The following PLEKHB1 variants were observed in gnomAD, a reference collection of about 807,000 sequenced individuals.
The protein encoded by PLEKHB1 is pleckstrin homology domain containing B1, also known as pleckstrin homology domain-containing family B member 1.
In PLEKHB1, 29 loss-of-function variants were observed where a neutral mutation model predicts 36.2. The observed-to-expected ratio is 0.80, with a 90% CI of 0.60 to 1.09. The LOEUF (loss-of-function observed/expected upper bound fraction) is 1.09. Ranked by LOEUF, PLEKHB1 falls within the 50% of genes least tolerant of loss-of-function variation. PLEKHB1 has a pLI of 0.00. For synonymous variants in PLEKHB1, 138 were observed against 140.0 expected (o/e 0.99, Z 0.10); for missense variants, 330 against 348.2 (o/e 0.95, Z 0.42).
chr11:73,662,291 T>A lies in PLEKHB1; in HGVS notation c.*689T>A, dbSNP rs902989921. On this transcript the variant is annotated 3_prime_UTR_variant, in exon 8 of 8. Transcript: ENST00000354190. ...CATCTATAATGAATATATTGCCTGT[T>A]TTGTGAATACTGACACATGTCCATA... is the stretch of plus-strand genomic sequence containing the variant. 6.6e-6 allele frequency: 1 copy of A among 152,216 alleles called. No homozygotes were observed. The highest frequency in any genetic ancestry group is 1.5e-5 in the Non-Finnish European group (1 of 68,070). The allele number at this position is 152,216 out of a possible 1,614,324, so 9.4% of individuals were successfully genotyped here. A position where few individuals can be genotyped will look rare whatever the true frequency, so the allele number is the denominator to read the frequency against.
At chr11:73,653,517 G>C (rs1565330380) in intron 5 of PLEKHB1, 10 of 452,308 alleles carry the variant, frequency 2.2e-5, no homozygotes, top group South Asian at 1.6e-4. Flanking sequence ...TGAGAAGCCA[G>C]ACATGGAACA....
chr11:73,660,773 C>A lies in PLEKHB1; in HGVS notation c.516C>A (p.Tyr172Ter). ...CCCAGGTGCGCGTCTACAGCCCGTA[C>A]CAAGACTACTACGAGGTGGTGCCCC... ...RRIWVRVYSP[Y>*]QDYYEVVPPN... The change falls in exon 7 of 8, where the codon TAC becomes TAA. Residue 172 changes from tyrosine to a stop codon, truncating the protein, a stop_gained. Coordinates refer to ENST00000354190, the MANE Select transcript of PLEKHB1 (RefSeq NM_021200.3). LOFTEE classifies it high-confidence loss of function. 2 of 1,599,188 alleles carry A rather than the reference C, an allele frequency of 1.3e-6. No individual in the cohort carries two copies. The highest frequency in any genetic ancestry group is 1.1e-5 in the South Asian group (1 of 87,786).
At chr11:73,654,605 C>T (rs1944958178) in intron 5 of PLEKHB1, among the ~76,000 whole-genome samples, 1 of 152,172 alleles carries the variant, frequency 6.6e-6, no homozygotes, top group Non-Finnish European at 1.5e-5. Context: ...AAAAGCCTAC[C>T]ATGGAACCTA....
chr11:73,648,793 C>T, intron 1 of PLEKHB1: 1 of 1,308,932 alleles, frequency 7.6e-7, no homozygotes, highest in Non-Finnish European at 9.8e-7. Flanking sequence ...TGGTCCCCAC[C>T]CCCACCCCAC....
At chr11:73,646,939 C>G (rs1297943931) in intron 1 of PLEKHB1, among the ~76,000 whole-genome samples, 3 of 152,300 alleles carry the variant, frequency 2.0e-5, no homozygotes, top group Non-Finnish European at 1.5e-5. Flanking sequence ...ACTCCCACCC[C>G]CAGCTCCAGT....
Position 73,661,750 on chromosome 11 carries a change from C to A in PLEKHB1, c.*148C>A. The A allele has an allele frequency of 2.1e-6, 2 of 974,610 alleles. No individual in the cohort carries two copies. The allele number at this position is 974,610 out of a possible 1,614,324, so 60.4% of individuals were successfully genotyped here. A position where few individuals can be genotyped will look rare whatever the true frequency, so the allele number is the denominator to read the frequency against. On this transcript the variant is annotated 3_prime_UTR_variant, in exon 8 of 8. Coordinates refer to ENST00000354190, the MANE Select transcript of PLEKHB1 (RefSeq NM_021200.3). The surrounding 1 kb of genome is among the most constrained non-coding windows in gnomAD (Gnocchi z 4.6). The stretch of plus-strand genomic sequence containing the variant: ...CCGGGTTTGGACCATTCCCCCCACT[C>A]CCTACCCTTAATCCCCACATGGGAA...
At chr11:73,657,856 G>A (rs540042585) in intron 6 of PLEKHB1, among the ~76,000 whole-genome samples, 2 of 152,350 alleles carry the variant, frequency 1.3e-5, no homozygotes, top group East Asian at 1.9e-4. Flanking sequence ...GCACCGTAGA[G>A]TTCACTGACT....
intron 5 of PLEKHB1, among the ~76,000 whole-genome samples, chr11:73,653,776 GGGTGGCT>G (rs1236570649): frequency 6.6e-6 from 1 of 152,168 alleles, no homozygotes; most frequent in Non-Finnish European, 1.5e-5. Context: ...AGGACAGCTG[GGGTGGCT>G]GGTGCTTAGG....
Position 73,646,626 on chromosome 11 carries a change from G to A in PLEKHB1, c.18G>A (p.Pro6=), listed in dbSNP as rs1323821131. The A allele has an allele frequency of 1.3e-6, 2 of 1,551,512 alleles. No homozygotes were observed. Among genetic ancestry groups the A allele is most frequent in the Non-Finnish European group, 1.7e-6 (2 of 1,146,992 alleles). Reference sequence around the variant, plus strand: ...CAGGAACCATGAGCCCTGCAGCCCCGGTAAGGAAGAGTTCTCTGGGACAGG... The same window carrying A: ...CAGGAACCATGAGCCCTGCAGCCCCAGTAAGGAAGAGTTCTCTGGGACAGG... MSPAA[P]VPPDSALESP... The change falls in exon 1 of 8, where the codon CCG becomes CCA. Residue 6 remains proline, a splice_region_variant and synonymous_variant. Coordinates refer to ENST00000354190, the MANE Select transcript of PLEKHB1 (RefSeq NM_021200.3).
chr11:73,655,257 G>T (rs1345043517), intron 5 of PLEKHB1, among the ~76,000 whole-genome samples: 1 of 152,168 alleles, frequency 6.6e-6, no homozygotes, highest in African/African-American at 2.4e-5. Context: ...GGGCTTACTA[G>T]AGTCGGGGTG....
intron 5 of PLEKHB1, chr11:73,653,529 C>A: frequency 2.2e-6 from 1 of 448,884 alleles, no homozygotes; most frequent in Non-Finnish European, 4.5e-6. Flanking sequence ...CATGGAACAA[C>A]TAATTAATTA....
intron 4 of PLEKHB1, chr11:73,652,639 G>T: frequency 3.9e-6 from 1 of 258,014 alleles, no homozygotes. Context: ...GTAGATTTGG[G>T]ATGTGGAGGG....
In PLEKHB1 at chr11:73,649,026, C is replaced by T. The variant is rs368334880; in HGVS notation, c.33C>T (p.Ser11=). The T allele has an allele frequency of 1.3e-5, 20 of 1,597,236 alleles. No individual in the cohort carries two copies. The highest frequency in any genetic ancestry group is 2.7e-5 in the African/African-American group (2 of 74,646). MSPAAPVPPD[S]ALESPFEEMA... ...TCCTCTGACAGGTCCCGCCTGACTC[C>T]GCTCTGGAAAGTCCTTTTGAAGAAA... is the stretch of plus-strand genomic sequence containing the variant. The change falls in exon 2 of 8, where the codon TCC becomes TCT. Residue 11 remains serine, a synonymous_variant. Transcript: ENST00000354190.
Position 73,661,069 on chromosome 11 carries a change from C to T in PLEKHB1, c.595+217C>T, listed in dbSNP as rs1416656132. 5 of 604,362 alleles carry T rather than the reference C, an allele frequency of 8.3e-6. No homozygotes were observed. Among genetic ancestry groups the T allele is most frequent in the Non-Finnish European group, 1.2e-5 (4 of 343,078 alleles). 37.4% of individuals were successfully genotyped at this position (604,362 alleles called of 1,614,324 possible). On this transcript the variant is annotated intron_variant, in intron 7 of 7. Transcript: ENST00000354190. The surrounding 1 kb of genome is among the most constrained non-coding windows in gnomAD (Gnocchi z 4.6). ...TGACCTCACCCTTCTGGGATGGCTC[C>T]TCAGCCCTGCGGTCGGCAATACCCA...
intron 6 of PLEKHB1, among the ~76,000 whole-genome samples, chr11:73,659,416 G>A (rs895850787): frequency 1.2e-4 from 18 of 152,010 alleles, no homozygotes; most frequent in African/African-American, 3.6e-4. Flanking sequence ...AGAAGAGAAG[G>A]GGATCCTGAC....
At chr11:73,657,514 C>T (rs1482089105) in intron 6 of PLEKHB1, among the ~76,000 whole-genome samples, 1 of 152,224 alleles carries the variant, frequency 6.6e-6, no homozygotes, top group African/African-American at 2.4e-5. Context: ...GAGGGAGAGG[C>T]AGGTTCAAAC....
At chr11:73,649,223 T>C (rs2134796978) in intron 2 of PLEKHB1, 136 bp downstream of exon 2, 1 of 1,127,850 alleles carries the variant, frequency 8.9e-7, no homozygotes, top group Non-Finnish European at 1.2e-6. Flanking sequence ...TCCCTCTGCC[T>C]GAAGGTCCTT....
intron 5 of PLEKHB1, 96 bp downstream of exon 5, chr11:73,653,110 A>C: frequency 6.2e-6 from 8 of 1,293,390 alleles, no homozygotes; most frequent in Non-Finnish European, 8.6e-6. Context: ...AGAAGTTCTC[A>C]GTCTTATGTG....
At chr11:73,647,407 C>G (rs754950945) in intron 1 of PLEKHB1, 16 of 268,010 alleles carry the variant, frequency 6.0e-5, no homozygotes, top group Non-Finnish European at 8.6e-5. Context: ...TTCAATGATT[C>G]TTAAGAAAAA....
Sources: gnomAD v4.1 joint callset for allele counts (sites outside exome capture counted in the v4.1 genomes callset) on GRCh38, gnomAD v4.1.1 for gene constraint, Gnocchi (gnomAD v3.1) non-coding constraint, MANE v1.5 for transcripts, NCBI Gene and HGNC (gene_info 2026-07-23, HGNC 2026-07-21) for gene names.